SPOCK1: variants seen among roughly 807,000 people sequenced by gnomAD.
SPOCK1 encodes SPARC (osteonectin), cwcv and kazal like domains proteoglycan 1, also known as testican-1.
A neutral mutation model predicts 55.3 loss-of-function variants in SPOCK1; 23 were observed. The observed-to-expected ratio is 0.42, with a 90% confidence interval of 0.30 to 0.59. SPOCK1 has a LOEUF of 0.59. Among genes scored for constraint, SPOCK1 ranks in the 20% least tolerant of loss-of-function variants. The pLI is 0.22. For missense variants in SPOCK1, 499 were observed against 552.5 expected (o/e 0.90, Z 0.97); for synonymous variants, 226 against 221.0 (o/e 1.02, Z -0.20).
chr5:137,400,967 G>A (rs372021109), intron 2 of SPOCK1, among the ~76,000 whole-genome samples: 8 of 145,160 alleles, frequency 5.5e-5, no homozygotes, highest in Admixed American at 4.8e-4. Context: ...CCCCTCTCCC[G>A]CCCACCCCTT....
chr5:137,365,314 T>C (rs1037482503), intron 2 of SPOCK1: 2 of 152,262 alleles, frequency 1.3e-5, no homozygotes, highest in African/African-American at 4.8e-5. Context: ...TCTTCCCAGC[T>C]GTCTGGCACA....
chr5:137,464,376 A>G (rs1445844649), intron 2 of SPOCK1, among the ~76,000 whole-genome samples: 1 of 152,158 alleles, frequency 6.6e-6, no homozygotes, highest in Non-Finnish European at 1.5e-5. Flanking sequence ...ATGATTAAAC[A>G]TTGCATTCCT....
At chr5:137,488,016 T>C (rs996748602) in intron 2 of SPOCK1, among the ~76,000 whole-genome samples, 6 of 152,208 alleles carry the variant, frequency 3.9e-5, no homozygotes, top group African/African-American at 1.4e-4. Context: ...GTGTTGGCTA[T>C]TTGGGATGGA....
At chr5:137,256,619 G>A (rs928036251) in intron 3 of SPOCK1, among the ~76,000 whole-genome samples, 1 of 152,136 alleles carries the variant, frequency 6.6e-6, no homozygotes, top group Non-Finnish European at 1.5e-5. Context: ...TTGCATTGGG[G>A]ATTATGTTTC....
intron 6 of SPOCK1, among the ~76,000 whole-genome samples, chr5:137,042,243 G>C (rs1043697599): frequency 2.0e-5 from 3 of 152,172 alleles, no homozygotes. Context: ...ATGACATTCT[G>C]GAAAAGGCAA....
At chr5:137,319,479 A>G (rs1757940333) in intron 2 of SPOCK1, among the ~76,000 whole-genome samples, 1 of 152,210 alleles carries the variant, frequency 6.6e-6, no homozygotes, top group Admixed American at 6.5e-5. Flanking sequence ...ATACTTGTAA[A>G]TGGTTTCTTG....
chr5:137,021,111 C>G (rs936803142), intron 6 of SPOCK1, among the ~76,000 whole-genome samples: 3 of 152,016 alleles, frequency 2.0e-5, no homozygotes, highest in African/African-American at 7.2e-5. Context: ...ATGTTAATAT[C>G]AGCATTGTTT....
intron 3 of SPOCK1, among the ~76,000 whole-genome samples, chr5:137,196,386 G>A (rs1755299380): frequency 6.6e-6 from 1 of 152,190 alleles, no homozygotes; most frequent in Non-Finnish European, 1.5e-5. Flanking sequence ...CTGCTAGGAT[G>A]AGGACAGTAC....
intron 5 of SPOCK1, among the ~76,000 whole-genome samples, chr5:137,093,320 C>A (rs542476360): frequency 6.6e-6 from 1 of 152,268 alleles, no homozygotes; most frequent in Admixed American, 6.5e-5. Context: ...TCTCTCTCAG[C>A]CCTGGAGAGA....
At chr5:137,490,549 G>C (rs1260076183) in intron 2 of SPOCK1, among the ~76,000 whole-genome samples, 2 of 152,222 alleles carry the variant, frequency 1.3e-5, no homozygotes, top group East Asian at 1.9e-4. Flanking sequence ...AAGCCTGCCT[G>C]AGACCTCTCT....
intron 2 of SPOCK1, among the ~76,000 whole-genome samples, chr5:137,318,058 A>G (rs986109831): frequency 3.3e-5 from 5 of 152,230 alleles, no homozygotes; most frequent in African/African-American, 1.2e-4. Context: ...TGAATTCACC[A>G]GACACCTGCA....
At position 137,474,748 on chromosome 5, in the gene SPOCK1, T is replaced by C. The variant is rs1296117701; in HGVS notation, c.186+23625A>G. ...GCATCAATAGGCACAGTGATGTCCA[T>C]GACAACACACTGAATGGTAATCACT... On this transcript the variant is annotated intron_variant, in intron 2 of 10. Coordinates refer to ENST00000394945, the MANE Select transcript of SPOCK1 (RefSeq NM_004598.4). 2.0e-5 allele frequency among the ~76,000 whole-genome samples: 3 copies of C among 152,184 alleles called. No homozygotes were observed. In the East Asian group the frequency reaches 5.8e-4, roughly 29 times the overall value.
At chr5:137,293,842 C>T (rs1393478977) in intron 2 of SPOCK1, among the ~76,000 whole-genome samples, 1 of 151,978 alleles carries the variant, frequency 6.6e-6, no homozygotes, top group Non-Finnish European at 1.5e-5. Flanking sequence ...CGGTGAAACC[C>T]CGTCTCTACT....
At position 137,116,933 on chromosome 5, in the gene SPOCK1, C is replaced by T. The variant is rs185292572; in HGVS notation, c.348-4372G>A. ...GTGGCCTGGCTAAAATATCAGTTCC[C>T]CAGGAAGCCTCCTAGGTCCCTCCAA... On this transcript the variant is annotated intron_variant, in intron 4 of 10. Coordinates refer to ENST00000394945, the MANE Select transcript of SPOCK1 (RefSeq NM_004598.4). 7.2e-3 allele frequency among the ~76,000 whole-genome samples: 1,096 copies of T among 152,246 alleles called. 15 individuals carry two copies. Among genetic ancestry groups the T allele is most frequent in the African/African-American group, 0.024 (1,007 of 41,534 alleles).
chr5:137,158,469 T>A (rs1017499731), intron 3 of SPOCK1, among the ~76,000 whole-genome samples: 1 of 152,150 alleles, frequency 6.6e-6, no homozygotes, highest in Non-Finnish European at 1.5e-5. Context: ...GGTCTCTGGT[T>A]AGAAACCAGT....
chr5:137,133,314 G>C (rs1428830147), intron 4 of SPOCK1, among the ~76,000 whole-genome samples: 1 of 150,390 alleles, frequency 6.6e-6, no homozygotes, highest in Non-Finnish European at 1.5e-5. Context: ...AGGTTGCAGT[G>C]AGCCAAGATT....
At chr5:137,137,943 C>T (rs1192262392) in intron 4 of SPOCK1, among the ~76,000 whole-genome samples, 4 of 152,120 alleles carry the variant, frequency 2.6e-5, no homozygotes, top group Non-Finnish European at 1.5e-5. Context: ...ACTTTACACA[C>T]CATCATTTTA....
intron 3 of SPOCK1, among the ~76,000 whole-genome samples, chr5:137,221,611 A>G (rs1464892139): frequency 1.3e-5 from 2 of 152,188 alleles, no homozygotes; most frequent in South Asian, 2.1e-4. Flanking sequence ...ATAGATTCCA[A>G]TTTTAGGAAC....
At chr5:137,442,231 T>A (rs1352612743) in intron 2 of SPOCK1, among the ~76,000 whole-genome samples, 1 of 152,172 alleles carries the variant, frequency 6.6e-6, no homozygotes, top group Non-Finnish European at 1.5e-5. Context: ...TTTTAAACAG[T>A]CATGCTAGCC....
Sources: gnomAD v4.1 joint callset for allele counts (sites outside exome capture counted in the v4.1 genomes callset) on GRCh38, gnomAD v4.1.1 for gene constraint, MANE v1.5 for transcripts, NCBI Gene and HGNC (gene_info 2026-07-23, HGNC 2026-07-21) for gene names.